ITGBL1: variants seen among roughly 807,000 people sequenced by gnomAD.
ITGBL1 encodes integrin subunit beta like 1.
Under a neutral mutation model 68.5 loss-of-function variants are expected in ITGBL1, and 51 were observed. That is an observed-to-expected ratio of 0.74 (90% CI 0.59 to 0.94). The LOEUF (loss-of-function observed/expected upper bound fraction) is 0.94, where lower values mean the gene tolerates loss of function less well. ITGBL1 is among the 40% of genes least tolerant of loss of function. ITGBL1 has a pLI of 0.00. For missense variants in ITGBL1, 649 were observed against 647.4 expected, an observed-to-expected ratio of 1.00 and a Z score of -0.03; for synonymous variants, 209 against 227.3, an observed-to-expected ratio of 0.92 and a Z score of 0.72.
chr13:101,629,936 C>T (rs959429576), intron 7 of ITGBL1, among the ~76,000 whole-genome samples: 3 of 152,150 alleles, frequency 2.0e-5, no homozygotes, highest in African/African-American at 7.2e-5. Context: ...AATTCTCCTG[C>T]CTCAGCCTCC....
chr13:101,531,420 T>C (rs138666808), intron 2 of ITGBL1, among the ~76,000 whole-genome samples: 161 of 152,216 alleles, frequency 1.1e-3, no homozygotes, highest in African/African-American at 3.7e-3. Flanking sequence ...CTGCTACTTT[T>C]GTGGGTGTGA....
At chr13:101,707,740 T>A (rs1471586422) in intron 9 of ITGBL1, among the ~76,000 whole-genome samples, 2 of 149,794 alleles carry the variant, frequency 1.3e-5, no homozygotes, top group Non-Finnish European at 3.0e-5. Flanking sequence ...GTAATTACAG[T>A]TACTTGAGAG....
intron 2 of ITGBL1, among the ~76,000 whole-genome samples, chr13:101,490,904 G>A (rs1372893891): frequency 6.6e-6 from 1 of 152,106 alleles, no homozygotes; most frequent in Non-Finnish European, 1.5e-5. Flanking sequence ...TTGCCCAAGG[G>A]CCACAGATAC....
chr13:101,676,649 G>A (rs1308447816), intron 7 of ITGBL1, among the ~76,000 whole-genome samples: 1 of 152,062 alleles, frequency 6.6e-6, no homozygotes, highest in Non-Finnish European at 1.5e-5. Flanking sequence ...TAGTATCTTG[G>A]CCACTTAAAT....
chr13:101,467,270 G>C (rs563159218), intron 2 of ITGBL1, among the ~76,000 whole-genome samples: 1 of 152,286 alleles, frequency 6.6e-6, no homozygotes, highest in South Asian at 2.1e-4. Context: ...ACATCAGTGG[G>C]ACGGGGATAT....
intron 7 of ITGBL1, among the ~76,000 whole-genome samples, chr13:101,606,099 G>T (rs117256554): frequency 8.0e-6 from 1 of 124,928 alleles, no homozygotes; most frequent in Admixed American, 8.2e-5. Flanking sequence ...ATATATATAT[G>T]CTCTCTCTCT....
intron 2 of ITGBL1, among the ~76,000 whole-genome samples, chr13:101,472,341 A>T (rs2048473548): frequency 6.6e-6 from 1 of 152,222 alleles, no homozygotes; most frequent in African/African-American, 2.4e-5. Flanking sequence ...ATCATGAGAC[A>T]GATTCAGTAG....
At position 101,650,547 on chromosome 13, in the gene ITGBL1, C is replaced by G. The variant is rs77547772; in HGVS notation, c.1016-42038C>G. 2.4e-3 allele frequency among the ~76,000 whole-genome samples: 361 copies of G among 151,374 alleles called. 2 individuals are homozygous for G. The highest frequency in any genetic ancestry group is 8.2e-3 in the African/African-American group (341 of 41,344). On this transcript the variant is annotated intron_variant, in intron 7 of 10. Transcript: ENST00000376180. ...TAAGTATCACCAGTGATTTAAAATG[C>G]AAATTTTGAGAAATACAAAAATTGG...
chr13:101,453,037 C>G (rs974528465), intron 1 of ITGBL1, 106 bp downstream of exon 1: 1 of 877,302 alleles, frequency 1.1e-6, no homozygotes, highest in South Asian at 1.4e-5. Flanking sequence ...TTAAATTGGA[C>G]AAGGGATAAA....
intron 9 of ITGBL1, 41 bp downstream of exon 9, chr13:101,706,943 GAC>G (rs2034277380): frequency 1.3e-6 from 2 of 1,592,888 alleles, no homozygotes; most frequent in African/African-American, 2.7e-5. Context: ...TTCCTGTTCT[GAC>G]ACATGATTTG....
chr13:101,606,972 A>G (rs1400515175), intron 7 of ITGBL1, among the ~76,000 whole-genome samples: 3 of 152,038 alleles, frequency 2.0e-5, no homozygotes, highest in Admixed American at 6.6e-5. Context: ...TGTATTATAT[A>G]CATAATTTAT....
intron 7 of ITGBL1, among the ~76,000 whole-genome samples, chr13:101,619,367 G>A (rs2031495416): frequency 6.6e-6 from 1 of 151,844 alleles, no homozygotes; most frequent in South Asian, 2.1e-4. Flanking sequence ...AGTGGACATG[G>A]GAAAGAAAGA....
intron 7 of ITGBL1, among the ~76,000 whole-genome samples, chr13:101,675,650 T>G (rs1475862859): frequency 6.6e-6 from 1 of 152,180 alleles, no homozygotes; most frequent in Non-Finnish European, 1.5e-5. Flanking sequence ...ATAATCATAC[T>G]CTGAGGTACT....
chr13:101,642,267 A>G (rs1317752011), intron 7 of ITGBL1, among the ~76,000 whole-genome samples: 1 of 152,116 alleles, frequency 6.6e-6, no homozygotes, highest in African/African-American at 2.4e-5. Flanking sequence ...AACTGGTGTG[A>G]GATGGTATCT....
At chr13:101,540,482 A>T (rs1372616858) in intron 2 of ITGBL1, among the ~76,000 whole-genome samples, 1 of 152,190 alleles carries the variant, frequency 6.6e-6, no homozygotes, top group African/African-American at 2.4e-5. Flanking sequence ...GAAGTCAGGT[A>T]GTGTGATGCC....
chr13:101,525,532 T>TC (rs2049361671), intron 2 of ITGBL1, among the ~76,000 whole-genome samples: 1 of 112,544 alleles, frequency 8.9e-6, no homozygotes, highest in South Asian at 3.2e-4. Context: ...CCTTGTTTTT[T>TC]TTTTTATGTG....
chr13:101,494,762 C>T (rs1447880766), intron 2 of ITGBL1, among the ~76,000 whole-genome samples: 1 of 152,120 alleles, frequency 6.6e-6, no homozygotes. Context: ...TTTAAAAAGC[C>T]AGAACCACTG....
chr13:101,654,666 T>G (rs928000525), intron 7 of ITGBL1, among the ~76,000 whole-genome samples: 2 of 152,120 alleles, frequency 1.3e-5, no homozygotes, highest in Admixed American at 6.5e-5. Context: ...GAGGTGCTTA[T>G]GATATAAAGT....
At chr13:101,660,272 A>T (rs1196076870) in intron 7 of ITGBL1, among the ~76,000 whole-genome samples, 1 of 152,124 alleles carries the variant, frequency 6.6e-6, no homozygotes. Flanking sequence ...ATAGGGGCCC[A>T]GGGAGTGGGG....
Sources: allele counts gnomAD v4.1 joint callset (sites outside exome capture counted in the v4.1 genomes callset), GRCh38; gene constraint gnomAD v4.1.1; transcripts MANE v1.5; gene names NCBI Gene and HGNC (gene_info 2026-07-23, HGNC 2026-07-21).